Variants in PCNX3 observed in about 807,000 individuals in gnomAD.
The protein encoded by PCNX3 is pecanex 3.
In PCNX3, 58 loss-of-function variants were observed where a neutral mutation model predicts 207.2. The ratio of observed to expected loss-of-function variants is 0.28; its 90% CI spans 0.23 to 0.35. PCNX3 has a LOEUF of 0.35. PCNX3 is among the 10% of genes least tolerant of loss of function. The pLI is 1.00. For missense variants in PCNX3, 2,410 were observed against 2,774.4 expected (o/e 0.87, Z 2.95); for synonymous variants, 1,337 against 1,183.5 (o/e 1.13, Z -2.66).
chr11:65,630,608 C>A lies in PCNX3; in HGVS notation c.4470+4C>A, dbSNP rs770641804. The A allele has an allele frequency of 1.9e-6, 3 of 1,604,082 alleles. No homozygotes were observed. Among genetic ancestry groups the A allele is most frequent in the Non-Finnish European group, 2.6e-6 (3 of 1,172,402 alleles). On this transcript the variant is annotated splice_donor_region_variant and intron_variant, in intron 27 of 34. Coordinates refer to ENST00000355703, the MANE Select transcript of PCNX3 (RefSeq NM_032223.4). ...CCTCATCACCTACTATGTCAAGGTA[C>A]GGTGGGCAGGTGTGGCCGGGCAGCA...
chr11:65,623,834 C>G, intron 12 of PCNX3, 95 bp from the exon 13 acceptor site: 3 of 1,581,470 alleles, frequency 1.9e-6, no homozygotes, highest in Non-Finnish European at 2.6e-6. Flanking sequence ...CCTGGTCACT[C>G]ATAACTGCCT....
intron 6 of PCNX3, chr11:65,619,319 C>T (rs1450164732): frequency 1.8e-6 from 1 of 541,068 alleles, no homozygotes; most frequent in Non-Finnish European, 2.4e-6. Context: ...CCACACTCAT[C>T]CTCCCACCAC....
chr11:65,627,585 G>A lies in PCNX3; in HGVS notation c.3702+3G>A. 1 of 1,613,680 alleles carries A rather than the reference G, an allele frequency of 6.2e-7. No homozygotes were observed. Among genetic ancestry groups the A allele is most frequent in the Non-Finnish European group, 8.5e-7 (1 of 1,179,778 alleles). On this transcript the variant is annotated splice_donor_region_variant and intron_variant, in intron 22 of 34. Coordinates refer to ENST00000355703, the MANE Select transcript of PCNX3 (RefSeq NM_032223.4). ...TCATGTCCCTGCTTTGCAGCAAGGTGAGTTGGTGGCTGTGGCCCAGACCCC... is the reference window on the plus strand; with the variant it reads ...TCATGTCCCTGCTTTGCAGCAAGGTAAGTTGGTGGCTGTGGCCCAGACCCC...
Position 65,620,848 on chromosome 11 carries a change from C to T in PCNX3, c.2117C>T (p.Ser706Phe). Residue 706 changes from serine to phenylalanine, a missense_variant, in exon 10 of 35, where the codon TCC becomes TTC. Ser to Phe is a radical substitution (Grantham distance 155). Around this residue, in one of 8 missense-constraint regions of PCNX3, gnomAD observed 1,104 missense variants for 970.3 expected, o/e 1.14. Transcript: ENST00000355703. ...ANGAWDRHSH[S>F]SSFHSADVPE... ...TCTCACAGGGACCGACACTCGCATT[C>T]CTCCAGCTTCCACTCGGCTGATGTC... The T allele has an allele frequency of 6.3e-7, 1 of 1,593,972 alleles. No individual in the cohort carries two copies. The highest frequency in any genetic ancestry group is 8.5e-7 in the Non-Finnish European group (1 of 1,171,248).
Position 65,627,558 on chromosome 11 carries a change from C to T in PCNX3, c.3678C>T (p.Phe1226=), listed in dbSNP as rs375555094. 24 of 1,613,746 alleles carry T rather than the reference C, an allele frequency of 1.5e-5. No individual in the cohort carries two copies. The highest frequency in any genetic ancestry group is 2.2e-5 in the South Asian group (2 of 91,088). ...RLSQGFLLDY[F]LMSLLCSKLW... is the part of the protein sequence containing the mutation. Reference sequence around the variant, plus strand: ...CCCAGGGCTTTCTGCTTGACTACTTCCTCATGTCCCTGCTTTGCAGCAAGG... The same window carrying T: ...CCCAGGGCTTTCTGCTTGACTACTTTCTCATGTCCCTGCTTTGCAGCAAGG... The change falls in exon 22 of 35, where the codon TTC becomes TTT. Residue 1226 remains phenylalanine, a synonymous_variant. Transcript: ENST00000355703.
Position 65,618,722 on chromosome 11 carries a change from T to A in PCNX3, c.1360T>A (p.Ser454Thr), listed in dbSNP as rs1854897855. The A allele has an allele frequency of 6.2e-7, 1 of 1,612,380 alleles. No individual in the cohort carries two copies. The highest frequency in any genetic ancestry group is 1.1e-5 in the South Asian group (1 of 91,070). ...CAGCTCCTCTTCTACTTCCTGCTAC[T>A]CCCCTGAGAGCTCCCGGGGTGCAGC... ...TDSSSSTSCY[S>T]PESSRGAAGG... The change falls in exon 6 of 35, where the codon TCC becomes ACC. Residue 454 changes from serine to threonine, a missense_variant. By Grantham distance (58) the Ser-to-Thr change is moderately conservative. Coordinates refer to ENST00000355703, the MANE Select transcript of PCNX3 (RefSeq NM_032223.4).
chr11:65,626,414 G>A (rs964117715), intron 20 of PCNX3: 2 of 435,604 alleles, frequency 4.6e-6, no homozygotes, highest in Non-Finnish European at 8.7e-6. Context: ...TCACTGGGCT[G>A]CATAATGGTT....
Position 65,618,129 on chromosome 11 carries a change from T to C in PCNX3, c.767T>C (p.Leu256Pro), listed in dbSNP as rs755794096. The C allele has an allele frequency of 1.1e-5, 18 of 1,610,382 alleles. No individual in the cohort carries two copies. In the East Asian group the frequency reaches 3.8e-4, roughly 34 times the overall value. ...SQELSKSFLT[L>P]TQPDRALVRT... Reference sequence around the variant, plus strand: ...GAGCTGAGCAAGAGCTTCCTGACCCTGACCCAGCCTGACCGGGCCCTGGTG... The same window carrying C: ...GAGCTGAGCAAGAGCTTCCTGACCCCGACCCAGCCTGACCGGGCCCTGGTG... The change falls in exon 6 of 35, where the codon CTG becomes CCG. Residue 256 changes from leucine to proline, a missense_variant. Leu to Pro is a moderately conservative substitution (Grantham distance 98, BLOSUM62 -3). This residue lies in a region of PCNX3 where 1,104 missense variants were observed against 970.3 expected (regional missense o/e 1.14). Coordinates refer to ENST00000355703, the MANE Select transcript of PCNX3 (RefSeq NM_032223.4).
rs753689579 is a variant in PCNX3, at chr11:65,618,730, G to C, written c.1368G>C (p.Glu456Asp). 1.2e-6 allele frequency: 2 copies of C among 1,612,484 alleles called. No homozygotes were observed. The highest frequency in any genetic ancestry group is 8.5e-7 in the Non-Finnish European group (1 of 1,179,424). ...CTTCTACTTCCTGCTACTCCCCTGA[G>C]AGCTCCCGGGGTGCAGCAGGGGGAC... The part of the protein sequence containing the change: ...SSSSTSCYSP[E>D]SSRGAAGGPR... Residue 456 changes from glutamate to aspartate, a missense_variant, in exon 6 of 35, where the codon GAG becomes GAC. Glu to Asp is a conservative substitution (Grantham distance 45, BLOSUM62 2). This residue lies in a region of PCNX3 where 1,104 missense variants were observed against 970.3 expected (regional missense o/e 1.14). Transcript: ENST00000355703.
intron 10 of PCNX3, 71 bp downstream of exon 10, chr11:65,621,037 G>T (rs1479888296): frequency 3.4e-6 from 5 of 1,463,896 alleles, no homozygotes; most frequent in Non-Finnish European, 4.5e-6. Flanking sequence ...AGTCCGGCCT[G>T]CATAGAGAGC....
In PCNX3 at chr11:65,625,586, T is replaced by A; in HGVS notation, c.3136-66T>A. 6.3e-7 allele frequency: 1 copy of A among 1,588,938 alleles called. No homozygotes were observed. On this transcript the variant is annotated intron_variant, in intron 18 of 34. Coordinates refer to ENST00000355703, the MANE Select transcript of PCNX3 (RefSeq NM_032223.4). The surrounding 1 kb of genome is among the most constrained non-coding windows in gnomAD (Gnocchi z 5.6). ...GGTTCCTGGGAGGGGCATGTCCAGC[T>A]TGGGCTGCTGGGCAGCTGAGTGTCT...
In PCNX3 at chr11:65,629,342, ACTCT is replaced by A. The variant is rs751683098; in HGVS notation, c.3942-10_3942-7del. 6.2e-7 allele frequency: 1 copy of A among 1,607,260 alleles called. No homozygotes were observed. The highest frequency in any genetic ancestry group is 1.3e-5 in the African/African-American group (1 of 74,644). On this transcript the variant is annotated splice_polypyrimidine_tract_variant and intron_variant, in intron 24 of 34. Coordinates refer to ENST00000355703, the MANE Select transcript of PCNX3 (RefSeq NM_032223.4). ...CCTTCTTGGCCAACCGCCTTGTTGC[ACTCT>A]CTCTGAACAGCACTAAACGTGTGGA...
chr11:65,631,680 G>GC (rs1008237954), intron 27 of PCNX3, among the ~76,000 whole-genome samples: 9 of 152,184 alleles, frequency 5.9e-5, no homozygotes, highest in African/African-American at 2.2e-4. Flanking sequence ...GAATTTTGAG[G>GC]CTTGTGGTGC....
intron 27 of PCNX3, among the ~76,000 whole-genome samples, chr11:65,632,857 A>T (rs998910112): frequency 6.6e-6 from 1 of 150,416 alleles, no homozygotes; most frequent in African/African-American, 2.5e-5. Flanking sequence ...TAATCCTCCT[A>T]CCTCAGCCTC....
At position 65,616,342 on chromosome 11, in the gene PCNX3, CA is replaced by C. The variant is rs1381024580; in HGVS notation, c.32del (p.Gln11ArgfsTer47). 6.2e-7 allele frequency: 1 copy of C among 1,605,324 alleles called. No homozygotes were observed. The highest frequency in any genetic ancestry group is 1.7e-5 in the Admixed American group (1 of 59,544). On this transcript the variant is annotated frameshift_variant, in exon 1 of 35. Coordinates refer to ENST00000355703, the MANE Select transcript of PCNX3 (RefSeq NM_032223.4). LOFTEE classifies it high-confidence loss of function. Reference sequence around the variant, plus strand: ...GTCGCAGGTGTTGCAGATCCTGCGCCAGGGGGTGTGGGCCTCGCTCACCGGC... The same window carrying C: ...GTCGCAGGTGTTGCAGATCCTGCGCCGGGGGTGTGGGCCTCGCTCACCGGC... MGSQVLQILRQGVWASLTGGW... is the reference protein window; with the variant it reads MGSQVLQILRXGVWASLTGGW...
rs1056258089 is a variant in PCNX3, at chr11:65,637,150, C to T, written c.*172C>T. 2.4e-5 allele frequency: 17 copies of T among 704,396 alleles called. No individual in the cohort carries two copies. The East Asian group carries it at 4.4e-4, about 18-fold the overall frequency. 43.6% of individuals were successfully genotyped at this position (704,396 alleles called of 1,614,324 possible). ...GTGACCCAGACCTCTGACCTTGACCCCTGATCTCTCTCATCCCCAGTCCAG... is the reference window on the plus strand; with the variant it reads ...GTGACCCAGACCTCTGACCTTGACCTCTGATCTCTCTCATCCCCAGTCCAG... On this transcript the variant is annotated 3_prime_UTR_variant, in exon 35 of 35. Coordinates refer to ENST00000355703, the MANE Select transcript of PCNX3 (RefSeq NM_032223.4).
At position 65,620,872 on chromosome 11, in the gene PCNX3, T is replaced by G. The variant is rs369527002; in HGVS notation, c.2141T>G (p.Val714Gly). 4.0e-5 allele frequency: 64 copies of G among 1,585,250 alleles called. No homozygotes were observed. Among genetic ancestry groups the G allele is most frequent in the Non-Finnish European group, 5.2e-5 (61 of 1,166,510 alleles). The change falls in exon 10 of 35, where the codon GTC becomes GGC. Residue 714 changes from valine to glycine, a missense_variant. Val to Gly is a moderately radical substitution (Grantham distance 109, BLOSUM62 -3). Around this residue, in one of 8 missense-constraint regions of PCNX3, gnomAD observed 1,104 missense variants for 970.3 expected, o/e 1.14. Transcript: ENST00000355703. Reference protein sequence around the residue: ...SHSSSFHSADVPEATGGLNLL... With the variant: ...SHSSSFHSADGPEATGGLNLL... ...TCCTCCAGCTTCCACTCGGCTGATG[T>G]CCCTGAGGCTACAGGCGGCCTGAAC...
Position 65,630,496 on chromosome 11 carries a change from A to G in PCNX3, c.4362A>G (p.Val1454=), listed in dbSNP as rs549079605. Residue 1454 remains valine (V), a synonymous_variant, in exon 27 of 35, where the codon GTA becomes GTG. Coordinates refer to ENST00000355703, the MANE Select transcript of PCNX3 (RefSeq NM_032223.4). ...GGCAGCGCTGGCTGGCTTGGGAGGTAACAGCCAGCAAGTACGTGCTGGAGG... is the reference window on the plus strand; with the variant it reads ...GGCAGCGCTGGCTGGCTTGGGAGGTGACAGCCAGCAAGTACGTGCTGGAGG... ...AFGQRWLAWE[V]TASKYVLEGY... is the part of the protein sequence containing the mutation. 38 of 1,613,510 alleles carry G rather than the reference A, an allele frequency of 2.4e-5. 2 individuals are homozygous for G. The African/African-American group carries it at 2.7e-4, about 11-fold the overall frequency.
rs1855814688 is a variant in PCNX3, at chr11:65,635,921, C to A, written c.5459+118C>A. 7.2e-7 allele frequency: 1 copy of A among 1,392,794 alleles called. No individual in the cohort carries two copies. The highest frequency in any genetic ancestry group is 9.6e-7 in the Non-Finnish European group (1 of 1,046,820). The allele number at this position is 1,392,794 out of a possible 1,614,324, so 86.3% of individuals were successfully genotyped here. A position where few individuals can be genotyped will look rare whatever the true frequency, so the allele number is the denominator to read the frequency against. On this transcript the variant is annotated intron_variant, in intron 32 of 34. Coordinates refer to ENST00000355703, the MANE Select transcript of PCNX3 (RefSeq NM_032223.4). The surrounding 1 kb of genome is among the most constrained non-coding windows in gnomAD (Gnocchi z 9.9). ...CAGGGCTTGAATCCCGAGAGATGAC[C>A]CCCTCCCAGAGCTGACCTGCCCCTC... is the stretch of plus-strand genomic sequence containing the variant.
Sources: allele counts gnomAD v4.1 joint callset (sites outside exome capture counted in the v4.1 genomes callset), GRCh38; gene constraint gnomAD v4.1.1; regional missense constraint gnomAD v4.1.1; non-coding constraint Gnocchi (gnomAD v3.1); transcripts MANE v1.5; gene names NCBI Gene and HGNC (gene_info 2026-07-23, HGNC 2026-07-21).